FAAP100: variants seen among roughly 807,000 people sequenced by gnomAD.
FAAP100 encodes the protein FA core complex associated protein 100.
FAAP100 carries 46 observed loss-of-function variants against 65.8 expected under a neutral mutation model. That is an observed-to-expected ratio of 0.70 (90% confidence interval 0.55 to 0.89). FAAP100 has a LOEUF of 0.89. FAAP100 is among the 40% of genes least tolerant of loss of function. FAAP100 has a pLI of 0.00. For synonymous variants in FAAP100, 663 were observed against 555.1 expected, an observed-to-expected ratio of 1.19 and a Z score of -2.73; for missense variants, 1,165 against 1,196.7, an observed-to-expected ratio of 0.97 and a Z score of 0.39.
At position 81,550,937 on chromosome 17, in the gene FAAP100, C is replaced by CCTGGG; in HGVS notation, c.552_556dup (p.Gly186AlafsTer70). The CCTGGG allele has an allele frequency of 6.2e-7, 1 of 1,612,214 alleles. No homozygotes were observed. Among genetic ancestry groups the CCTGGG allele is most frequent in the Non-Finnish European group, 8.5e-7 (1 of 1,179,686 alleles). ...AAGGAAGTGGGGGGCTGCAGGCTTTCCTGGGACCCCGGCTGGGGGCGTGTA... is the reference window on the plus strand; with the variant it reads ...AAGGAAGTGGGGGGCTGCAGGCTTTCCTGGGCTGGGACCCCGGCTGGGGGCGTGTA... On this transcript the variant is annotated frameshift_variant, in exon 3 of 9. Coordinates refer to ENST00000327787, the MANE Select transcript of FAAP100 (RefSeq NM_025161.6). LOFTEE classifies it high-confidence loss of function.
At chr17:81,549,483 TG>T in intron 3 of FAAP100, 121 bp from the exon 4 acceptor site, 1 of 1,282,072 alleles carries the variant, frequency 7.8e-7, no homozygotes, top group Non-Finnish European at 1.1e-6. Flanking sequence ...CAGTGTCCAG[TG>T]AGGAAGAGAA....
At position 81,550,446 on chromosome 17, in the gene FAAP100, C is replaced by T. The variant is rs754908784; in HGVS notation, c.1048G>A (p.Ala350Thr). The change falls in exon 3 of 9, where the codon GCT (alanine) becomes ACT (threonine). Residue 350 changes from alanine to threonine, a missense_variant. By Grantham distance (58) the Ala-to-Thr change is moderately conservative. Transcript: ENST00000327787. ...ACGCGGCCACCCCCGCCACAGGCAGCGCAGAGCACAGGGCCTGGGAGGCAG... is the reference window on the plus strand; with the variant it reads ...ACGCGGCCACCCCCGCCACAGGCAGTGCAGAGCACAGGGCCTGGGAGGCAG... The part of the protein sequence containing the change: ...EYCLPGPVLC[A>T]ACGGGGRVYH... 6 of 1,612,628 alleles carry T rather than the reference C, an allele frequency of 3.7e-6. No homozygotes were observed. The highest frequency in any genetic ancestry group is 2.2e-5 in the South Asian group (2 of 91,062).
Position 81,550,262 on chromosome 17 carries a change from G to A in FAAP100, c.1232C>T (p.Pro411Leu), listed in dbSNP as rs2033440818. ...GCAGCTCATACCTTCATGCGTCCTG[G>A]GAGACGCGGACAGCGAGACGACACT... ...ICSVVSLSAS[P>L]RTHEGGTKLL... is the part of the protein sequence containing the mutation. Residue 411 changes from proline (P) to leucine (L), a missense_variant, in exon 3 of 9, where the codon CCC (proline) becomes CTC (leucine). Physicochemically the swap from Pro to Leu is moderately conservative, Grantham distance 98. Transcript: ENST00000327787. 1.2e-6 allele frequency: 2 copies of A among 1,604,468 alleles called. No individual in the cohort carries two copies. The highest frequency in any genetic ancestry group is 2.2e-5 in the East Asian group (1 of 44,710).
rs770461129 is a variant in FAAP100, at chr17:81,547,358, C to G, written c.1724G>C (p.Gly575Ala). 6.2e-7 allele frequency: 1 copy of G among 1,612,804 alleles called. No individual in the cohort carries two copies. Among genetic ancestry groups the G allele is most frequent in the Non-Finnish European group, 8.5e-7 (1 of 1,179,950 alleles). The change falls in exon 5 of 9, where the codon GGT (glycine) becomes GCT (alanine). Residue 575 changes from glycine (G) to alanine (A), a missense_variant. Physicochemically the swap from Gly to Ala is moderately conservative, Grantham distance 60. Coordinates refer to ENST00000327787, the MANE Select transcript of FAAP100 (RefSeq NM_025161.6). ...GGGTAGCGTCACCTCCCGCCGAGCA[C>G]CGGGGCCGAGCTGGTCCACGGGGAT... is the stretch of plus-strand genomic sequence containing the variant. Reference protein sequence around the residue: ...YTIPVDQLGPGARREVTLPLG... With the variant: ...YTIPVDQLGPAARREVTLPLG...
chr17:81,551,330 G>T, intron 2 of FAAP100, 127 bp from the exon 3 acceptor site: 2 of 922,610 alleles, frequency 2.2e-6, no homozygotes, highest in Non-Finnish European at 3.1e-6. Context: ...CCGCTCAGCA[G>T]TCCATCTGCC....
In FAAP100 at chr17:81,546,995, A is replaced by T; in HGVS notation, c.2087T>A (p.Leu696Gln). The T allele has an allele frequency of 6.6e-7, 1 of 1,519,400 alleles. No homozygotes were observed. Among genetic ancestry groups the T allele is most frequent in the Non-Finnish European group, 8.8e-7 (1 of 1,133,724 alleles). 94.1% of individuals were successfully genotyped at this position (1,519,400 alleles called of 1,614,324 possible). The change falls in exon 5 of 9, where the codon CTG (leucine) becomes CAG (glutamine). Residue 696 changes from leucine to glutamine, a missense_variant. Coordinates refer to ENST00000327787, the MANE Select transcript of FAAP100 (RefSeq NM_025161.6). ...AGATGGGGGCAGGTACTCGGCCCGC[A>T]GGGAGGCGGGTCCTGCTGGCTGGCT... Reference protein sequence around the residue: ...PGSQPAGPASLRAEYLPPSVA... With the variant: ...PGSQPAGPASQRAEYLPPSVA...
At chr17:81,544,192 G>C in intron 6 of FAAP100, 72 bp from the exon 7 acceptor site, 1 of 1,276,058 alleles carries the variant, frequency 7.8e-7, no homozygotes, top group Non-Finnish European at 1.1e-6. Context: ...GGCTACACAG[G>C]AGCCTCCCCA....
intron 6 of FAAP100, among the ~76,000 whole-genome samples, chr17:81,544,920 A>G (rs922774368): frequency 2.0e-5 from 3 of 152,186 alleles, no homozygotes; most frequent in Admixed American, 6.5e-5. Context: ...TGTAATCCCA[A>G]CACTTTGAGA....
At chr17:81,545,977 T>G (rs1035058178) in intron 5 of FAAP100, 95 bp from the exon 6 acceptor site, 33 of 1,447,260 alleles carry the variant, frequency 2.3e-5, no homozygotes, top group Middle Eastern at 2.4e-4. Context: ...TGCCCCAAAG[T>G]GCCCTTCCCA....
At chr17:81,551,676 C>G (rs1246310154) in intron 2 of FAAP100, 1 of 1,317,380 alleles carries the variant, frequency 7.6e-7, no homozygotes, top group South Asian at 2.2e-5. Flanking sequence ...CCACCAGGGC[C>G]CAAAGGACAG....
upstream of FAAP100, chr17:81,552,491 G>A (rs2033536157): frequency 3.3e-6 from 2 of 610,494 alleles, no homozygotes; most frequent in South Asian, 7.7e-5. Flanking sequence ...GACTCCGGGA[G>A]CTGGGGCGGT....
At chr17:81,547,818 GC>G (rs746902406) in intron 4 of FAAP100, 140 bp from the exon 5 acceptor site, 3 of 1,062,050 alleles carry the variant, frequency 2.8e-6, no homozygotes, top group Non-Finnish European at 4.3e-6. Flanking sequence ...CAGAGAGTGA[GC>G]CCCCGCCCCA....
intron 4 of FAAP100, 31 bp from the exon 5 acceptor site, chr17:81,547,709 G>T: frequency 1.2e-6 from 2 of 1,601,388 alleles, no homozygotes; most frequent in Non-Finnish European, 1.7e-6. Context: ...CCCCGGGAGC[G>T]GGGGGACACC....
intron 6 of FAAP100, 80 bp downstream of exon 6, chr17:81,545,666 G>A: frequency 1.3e-5 from 20 of 1,499,888 alleles, no homozygotes; most frequent in Non-Finnish European, 1.7e-5. Context: ...CAGGGTGAGG[G>A]GTCCTCCCGA....
chr17:81,540,763 G>T lies in FAAP100; in HGVS notation c.*56C>A, dbSNP rs74002412. 4,766 of 1,456,006 alleles carry T rather than the reference G, an allele frequency of 3.3e-3. 146 individuals are homozygous for T. In the African/African-American group the frequency reaches 0.061, roughly 19 times the overall value. 90.2% of individuals were successfully genotyped at this position (1,456,006 alleles called of 1,614,324 possible). A position where few individuals can be genotyped will look rare whatever the true frequency, so the allele number is the denominator to read the frequency against. On this transcript the variant is annotated 3_prime_UTR_variant, in exon 9 of 9. Coordinates refer to ENST00000327787, the MANE Select transcript of FAAP100 (RefSeq NM_025161.6). ...TTTCCCTCTAACCCATGAGGCCTGG[G>T]GGGGCTGTGACAGAGGCTGGAAGCG...
Position 81,551,910 on chromosome 17 carries a change from C to CCGCG in FAAP100, c.290+14_290+17dup, listed in dbSNP as rs374361455. On this transcript the variant is annotated intron_variant, in intron 2 of 8. Transcript: ENST00000327787. ...GCAGCAGGAGTGTGCGGGAGGGAGG[C>CCGCG]CGCGGGCCCGCCCTCACCTGCTCCT... 6,140 of 1,535,020 alleles carry CCGCG rather than the reference C, an allele frequency of 4.0e-3. 232 individuals carry two copies. The African/African-American group carries it at 0.078, about 19-fold the overall frequency.
In FAAP100 at chr17:81,550,424, C is replaced by T. The variant is rs368375305; in HGVS notation, c.1070G>A (p.Arg357His). 76 of 1,611,610 alleles carry T rather than the reference C, an allele frequency of 4.7e-5. No homozygotes were observed. The highest frequency in any genetic ancestry group is 3.3e-4 in the Middle Eastern group (2 of 6,084). The stretch of plus-strand genomic sequence containing the variant: ...GTCAGAAGGGGTGCTGTGGTACACG[C>T]GGCCACCCCCGCCACAGGCAGCGCA... ...VLCAACGGGG[R>H]VYHSTPSDLC... Residue 357 changes from arginine to histidine, a missense_variant, in exon 3 of 9, where the codon CGC becomes CAC. Coordinates refer to ENST00000327787, the MANE Select transcript of FAAP100 (RefSeq NM_025161.6).
upstream of FAAP100, chr17:81,552,363 C>T (rs895832222): frequency 4.0e-5 from 53 of 1,312,070 alleles, no homozygotes; most frequent in African/African-American, 7.3e-4. Context: ...TGAGAAGCCC[C>T]GGCCGCGCGG....
At position 81,539,974 on chromosome 17, in the gene FAAP100, C is replaced by T. The variant is rs544901525; in HGVS notation, c.*845G>A. ...CACTCATCGCGGACAGTGCCTGCAG[C>T]GGGAGCGGCGCGAGCACCCTCCCCA... On this transcript the variant is annotated 3_prime_UTR_variant, in exon 9 of 9. Coordinates refer to ENST00000327787, the MANE Select transcript of FAAP100 (RefSeq NM_025161.6). 10 of 398,882 alleles carry T rather than the reference C, an allele frequency of 2.5e-5. No individual in the cohort carries two copies. The highest frequency in any genetic ancestry group is 1.4e-4 in the African/African-American group (7 of 48,762). 24.7% of individuals were successfully genotyped at this position (398,882 alleles called of 1,614,324 possible). A position where few individuals can be genotyped will look rare whatever the true frequency, so the allele number is the denominator to read the frequency against.
Sources: gnomAD v4.1 joint callset for allele counts (sites outside exome capture counted in the v4.1 genomes callset) on GRCh38, gnomAD v4.1.1 for gene constraint, MANE v1.5 for transcripts, NCBI Gene and HGNC (gene_info 2026-07-23, HGNC 2026-07-21) for gene names.